ZNF469: variants seen among roughly 807,000 people sequenced by gnomAD.
The protein encoded by ZNF469 is zinc finger protein 469.
Under a neutral mutation model 1.0 loss-of-function variants are expected in ZNF469, and 1 was observed. The ratio of observed to expected loss-of-function variants is 1.00; its 90% CI spans 0.35 to 4.73. The LOEUF (loss-of-function observed/expected upper bound fraction) is 4.73, where lower values mean the gene tolerates loss of function less well. Among genes scored for constraint, ZNF469 ranks in the 30% most tolerant of loss-of-function variants. The pLI is 0.16. For missense variants in ZNF469, 6,100 were observed against 5,356.3 expected (o/e 1.14, Z -4.33); for synonymous variants, 2,703 against 2,363.4 (o/e 1.14, Z -4.17).
chr16:88,296,912 A>G, the ZNF469 span, among the ~76,000 whole-genome samples: 1 of 152,202 alleles, frequency 6.6e-6, no homozygotes, highest in Non-Finnish European at 1.5e-5. Context: ...AGCACGTTGG[A>G]TGCAGCTGTT....
At chr16:88,208,799 ACACACT>A in the ZNF469 span, among the ~76,000 whole-genome samples, 650 of 23,756 alleles carry the variant, frequency 0.027, 7 homozygotes, top group African/African-American at 0.046. Flanking sequence ...ACACACACAC[ACACACT>A]CTCTCTCTCT....
the ZNF469 span, among the ~76,000 whole-genome samples, chr16:88,292,976 C>T: frequency 1.6e-4 from 25 of 152,188 alleles, no homozygotes; most frequent in African/African-American, 5.6e-4. Context: ...TGGGGTCTTC[C>T]TCATCCTTCA....
the ZNF469 span, among the ~76,000 whole-genome samples, chr16:88,148,877 A>G: frequency 6.6e-6 from 1 of 152,130 alleles, no homozygotes; most frequent in Non-Finnish European, 1.5e-5. Flanking sequence ...CGGGGGGTTC[A>G]TGTGTGGGAC....
chr16:88,336,227 T>A, the ZNF469 span, among the ~76,000 whole-genome samples: 3 of 150,676 alleles, frequency 2.0e-5, no homozygotes, highest in Non-Finnish European at 1.5e-5. Flanking sequence ...CGCACGTTCA[T>A]CCTTCACGTG....
chr16:88,163,645 GAT>G, the ZNF469 span, among the ~76,000 whole-genome samples: 12 of 151,486 alleles, frequency 7.9e-5, no homozygotes, highest in Middle Eastern at 3.4e-3. Flanking sequence ...TGGATGGATG[GAT>G]GGATGGATAG....
chr16:88,131,853 G>T, the ZNF469 span, among the ~76,000 whole-genome samples: 1 of 152,202 alleles, frequency 6.6e-6, no homozygotes, highest in African/African-American at 2.4e-5. Context: ...CTCCTGGTGG[G>T]GAATTCCCCT....
the ZNF469 span, among the ~76,000 whole-genome samples, chr16:88,133,066 CG>C: frequency 2.6e-5 from 4 of 152,262 alleles, no homozygotes; most frequent in Middle Eastern, 3.4e-3. Flanking sequence ...GGTTGGGGGC[CG>C]GGGGGCTGCC....
chr16:88,377,892 GA>G, the ZNF469 span, among the ~76,000 whole-genome samples: 73,126 of 151,222 alleles, frequency 0.48, 22,307 homozygotes, highest in African/African-American at 0.85. Flanking sequence ...TTGATGCCAG[GA>G]AAAAAAAATG....
the ZNF469 span, among the ~76,000 whole-genome samples, chr16:88,312,863 G>T: frequency 2.0e-5 from 3 of 152,190 alleles, no homozygotes; most frequent in African/African-American, 7.2e-5. Context: ...AAGCCATGCT[G>T]GTGCGCCATG....
At chr16:88,285,249 C>T in the ZNF469 span, among the ~76,000 whole-genome samples, 1 of 152,264 alleles carries the variant, frequency 6.6e-6, no homozygotes, top group South Asian at 2.1e-4. Flanking sequence ...CCGCCTCCCG[C>T]AATGGAGCTA....
intron 1 of ZNF469, among the ~76,000 whole-genome samples, chr16:88,391,332 G>C (rs1465223541): frequency 6.6e-6 from 1 of 152,382 alleles, no homozygotes. Flanking sequence ...TTGGCAGAAG[G>C]GACAGAGCCA....
chr16:88,199,487 C>A, the ZNF469 span, among the ~76,000 whole-genome samples: 1 of 152,240 alleles, frequency 6.6e-6, no homozygotes, highest in Non-Finnish European at 1.5e-5. Context: ...GCCTGTGGAT[C>A]TGAGGACTCT....
intron 1 of ZNF469, among the ~76,000 whole-genome samples, chr16:88,393,373 G>A (rs1167917500): frequency 3.3e-5 from 5 of 152,258 alleles, no homozygotes; most frequent in Non-Finnish European, 7.3e-5. Flanking sequence ...TTAGCTCTGG[G>A]AAAGGCTGTC....
the ZNF469 span, among the ~76,000 whole-genome samples, chr16:88,313,076 G>A: frequency 5.9e-5 from 9 of 152,184 alleles, no homozygotes; most frequent in Non-Finnish European, 1.0e-4. Flanking sequence ...CACGGTCAGG[G>A]TCAGTGTTAG....
the ZNF469 span, among the ~76,000 whole-genome samples, chr16:88,346,167 G>A: frequency 6.6e-6 from 1 of 152,200 alleles, no homozygotes; most frequent in African/African-American, 2.4e-5. Flanking sequence ...TCCAGGGATG[G>A]GAGTTCTCGG....
Position 88,436,595 on chromosome 16 carries a change from G to A in ZNF469, c.9125G>A (p.Arg3042His), listed in dbSNP as rs150598363. ...GGGAACACCCACCTGCTGCCGCTCC[G>A]TGCCACGGACTTTGAGGTGCTCAGC... The part of the protein sequence containing the change: ...LPGNTHLLPL[R>H]ATDFEVLSTK... The change falls in exon 3 of 3, where the codon CGT (arginine) becomes CAT (histidine). Residue 3042 changes from arginine (R) to histidine (H), a missense_variant. Coordinates refer to ENST00000565624, the MANE Select transcript of ZNF469 (RefSeq NM_001367624.2). 1,317 of 1,550,216 alleles carry A rather than the reference G, an allele frequency of 8.5e-4. 8 individuals carry two copies. The African/African-American group carries it at 0.015, about 18-fold the overall frequency.
chr16:88,400,384 G>C (rs944730510), intron 1 of ZNF469, among the ~76,000 whole-genome samples: 12 of 152,226 alleles, frequency 7.9e-5, no homozygotes, highest in Non-Finnish European at 1.5e-4. Context: ...CCATTTTCCA[G>C]ATGGGGAGAC....
chr16:88,266,833 G>C, the ZNF469 span, among the ~76,000 whole-genome samples: 1 of 152,222 alleles, frequency 6.6e-6, no homozygotes, highest in African/African-American at 2.4e-5. Flanking sequence ...CCTTGGAGCA[G>C]TGTCGTGCCC....
Position 88,430,364 on chromosome 16 carries a change from AGGGGTC to A in ZNF469, c.2904_2909del (p.Ser969_Gly970del), listed in dbSNP as rs281865147. ...GATCTGGACTCGGGCGGCGCAGCAGAGGGGTCGGGGTCGGGCGGCGGCGGCAGAGCC... is the reference window on the plus strand; with the variant it reads ...GATCTGGACTCGGGCGGCGCAGCAGAGGGGTCGGGCGGCGGCGGCAGAGCC... On this transcript the variant is annotated inframe_deletion, in exon 3 of 3. Coordinates refer to ENST00000565624, the MANE Select transcript of ZNF469 (RefSeq NM_001367624.2). The A allele has an allele frequency of 1.7e-5, 25 of 1,512,640 alleles. No homozygotes were observed. Among genetic ancestry groups the A allele is most frequent in the African/African-American group, 1.2e-4 (9 of 72,264 alleles). The allele number at this position is 1,512,640 out of a possible 1,614,324, so 93.7% of individuals were successfully genotyped here.
Sources: allele counts gnomAD v4.1 joint callset (sites outside exome capture counted in the v4.1 genomes callset), GRCh38; gene constraint gnomAD v4.1.1; transcripts MANE v1.5; gene names NCBI Gene and HGNC (gene_info 2026-07-23, HGNC 2026-07-21).